The following NRXN3 variants were observed in gnomAD, a reference collection of about 807,000 sequenced individuals.
The protein encoded by NRXN3 is neurexin III.
NRXN3 carries 32 observed loss-of-function variants against 137.6 expected under a neutral mutation model. The observed-to-expected ratio is 0.23, with a 90% CI of 0.18 to 0.31. The LOEUF is 0.31. NRXN3 is among the 10% of genes least tolerant of loss of function. The pLI is 1.00. For synonymous variants in NRXN3, 798 were observed against 784.5 expected (o/e 1.02, Z -0.29); for missense variants, 1,574 against 2,062.5 (o/e 0.76, Z 4.59).
chr14:79,321,800 AC>A (rs1392833692), intron 15 of NRXN3, among the ~76,000 whole-genome samples: 2 of 149,220 alleles, frequency 1.3e-5, no homozygotes, highest in African/African-American at 4.9e-5. Context: ...ATATTAATAT[AC>A]TTATATAAGC....
chr14:79,362,214 T>C (rs182176500), intron 15 of NRXN3, among the ~76,000 whole-genome samples: 1 of 152,038 alleles, frequency 6.6e-6, no homozygotes, highest in East Asian at 1.9e-4. Context: ...GATTGTTACA[T>C]ATGTATACCT....
chr14:79,852,306 G>A (rs1379981035), intron 20 of NRXN3, among the ~76,000 whole-genome samples: 2 of 145,218 alleles, frequency 1.4e-5, no homozygotes, highest in African/African-American at 5.1e-5. Flanking sequence ...CTTCTAATTG[G>A]CAAGAAGCCT....
chr14:78,840,037 T>C (rs1036711507), intron 10 of NRXN3, among the ~76,000 whole-genome samples: 1 of 152,234 alleles, frequency 6.6e-6, no homozygotes, highest in Non-Finnish European at 1.5e-5. Context: ...TTTTCTATTC[T>C]CAGAATAGGT....
At chr14:79,700,164 A>G (rs1382406277) in intron 19 of NRXN3, among the ~76,000 whole-genome samples, 1 of 152,006 alleles carries the variant, frequency 6.6e-6, no homozygotes, top group African/African-American at 2.4e-5. Flanking sequence ...CAACTATTGG[A>G]TTCTATTCAA....
At chr14:78,722,245 C>T (rs1025807761) in intron 8 of NRXN3, among the ~76,000 whole-genome samples, 5 of 152,118 alleles carry the variant, frequency 3.3e-5, no homozygotes, top group Admixed American at 2.0e-4. Context: ...CACTTTGGTG[C>T]AGTGTGTGAC....
At chr14:78,712,913 G>C (rs144728015) in intron 7 of NRXN3, among the ~76,000 whole-genome samples, 93 of 152,248 alleles carry the variant, frequency 6.1e-4, no homozygotes, top group Non-Finnish European at 1.2e-3. Flanking sequence ...TCTGATCTTC[G>C]CAGCCCTTCA....
At chr14:79,470,708 G>T (rs1434654201) in intron 16 of NRXN3, among the ~76,000 whole-genome samples, 1 of 152,144 alleles carries the variant, frequency 6.6e-6, no homozygotes, top group Non-Finnish European at 1.5e-5. Context: ...TTACATGGGG[G>T]CAAAGCTTCA....
At chr14:78,526,188 G>A (rs1459229308) in intron 4 of NRXN3, among the ~76,000 whole-genome samples, 3 of 152,178 alleles carry the variant, frequency 2.0e-5, no homozygotes. Flanking sequence ...TATCATATGG[G>A]ATGTCACACT....
At chr14:79,333,152 G>C (rs2091923578) in intron 15 of NRXN3, among the ~76,000 whole-genome samples, 1 of 151,944 alleles carries the variant, frequency 6.6e-6, no homozygotes, top group Non-Finnish European at 1.5e-5. Flanking sequence ...CTTTGCAAAA[G>C]CCTGGTTGCT....
At chr14:78,693,656 C>CGTGTGTGTGTGTGTGT (rs4016744) in intron 6 of NRXN3, among the ~76,000 whole-genome samples, 1 of 113,930 alleles carries the variant, frequency 8.8e-6, no homozygotes, top group Non-Finnish European at 1.8e-5. Flanking sequence ...AGTTGATTTT[C>CGTGTGTGTGTGTGTGT]GTGTGTGTGT....
At position 78,966,282 on chromosome 14, in the gene NRXN3, G is replaced by A; in HGVS notation, c.2653G>A (p.Ala885Thr). 1.2e-6 allele frequency: 2 copies of A among 1,614,158 alleles called. No individual in the cohort carries two copies. Residue 885 changes from alanine (A) to threonine (T), a missense_variant, in exon 12 of 21, where the codon GCC (alanine) becomes ACC (threonine). Physicochemically the swap from Ala to Thr is moderately conservative, Grantham distance 58. This residue lies in a region of NRXN3 where 718 missense variants were observed against 887.6 expected (regional missense o/e 0.81). Coordinates refer to ENST00000335750, the MANE Select transcript of NRXN3 (RefSeq NM_001330195.2). ...FKTKSSYLSL[A>T]TLQAYTSMHL... ...GACCAAGAGCAGCTACCTGAGCCTTGCCACTCTTCAGGCTTACACCTCCAT... is the reference window on the plus strand; with the variant it reads ...GACCAAGAGCAGCTACCTGAGCCTTACCACTCTTCAGGCTTACACCTCCAT...
intron 19 of NRXN3, among the ~76,000 whole-genome samples, chr14:79,763,608 C>A (rs2099046315): frequency 6.6e-6 from 1 of 151,444 alleles, no homozygotes; most frequent in Non-Finnish European, 1.5e-5. Flanking sequence ...GATCTGGAGG[C>A]TGGGGAGTCT....
At chr14:79,709,123 G>A (rs79087464) in intron 19 of NRXN3, among the ~76,000 whole-genome samples, 1,682 of 152,164 alleles carry the variant, frequency 0.011, 41 homozygotes, top group African/African-American at 0.038. Flanking sequence ...ATGCACGTCC[G>A]GGGTGGTATC....
At chr14:79,303,622 AT>A (rs1236611322) in intron 15 of NRXN3, among the ~76,000 whole-genome samples, 1 of 151,852 alleles carries the variant, frequency 6.6e-6, no homozygotes, top group Admixed American at 6.6e-5. Flanking sequence ...AAGTTGGCAA[AT>A]TTTTTTGTTG....
chr14:79,684,799 GAGGAATGAGAGGAGAT>G (rs1167450708), intron 17 of NRXN3, among the ~76,000 whole-genome samples: 8 of 152,134 alleles, frequency 5.3e-5, no homozygotes, highest in Non-Finnish European at 7.3e-5. Flanking sequence ...CCAAACATGA[GAGGAATGAGAGGAGAT>G]GGGGATGGGG....
intron 19 of NRXN3, among the ~76,000 whole-genome samples, chr14:79,718,896 C>G (rs562879707): frequency 1.1e-4 from 16 of 152,154 alleles, no homozygotes; most frequent in Non-Finnish European, 2.4e-4. Context: ...TTCCTTCTGC[C>G]TTCAACCTGG....
intron 19 of NRXN3, among the ~76,000 whole-genome samples, chr14:79,714,029 A>G (rs1281060241): frequency 6.6e-6 from 1 of 152,172 alleles, no homozygotes; most frequent in African/African-American, 2.4e-5. Flanking sequence ...TTATCACCAT[A>G]ATATATTTAT....
At chr14:78,213,440 G>A (rs1256588476) in intron 1 of NRXN3, among the ~76,000 whole-genome samples, 2 of 152,194 alleles carry the variant, frequency 1.3e-5, no homozygotes, top group African/African-American at 4.8e-5. Context: ...ATGCACACCT[G>A]ACTCCAGTGA....
At chr14:78,280,234 C>T (rs34948474) in intron 3 of NRXN3, among the ~76,000 whole-genome samples, 24,149 of 152,054 alleles carry the variant, frequency 0.16, 2,039 homozygotes, top group Middle Eastern at 0.23. Context: ...AAAATGTACA[C>T]GCAGACACAC....
Sources: gnomAD v4.1 joint callset for allele counts (sites outside exome capture counted in the v4.1 genomes callset) on GRCh38, gnomAD v4.1.1 for gene constraint, gnomAD v4.1.1 regional missense constraint, MANE v1.5 for transcripts, NCBI Gene and HGNC (gene_info 2026-07-23, HGNC 2026-07-21) for gene names.